MDM4: variants seen among roughly 807,000 people sequenced by gnomAD.
MDM4 encodes the protein protein Mdm4.
A neutral mutation model predicts 60.2 loss-of-function variants in MDM4; 2 were observed. That is an observed-to-expected ratio of 0.03 (90% CI 0.01 to 0.10). The LOEUF (loss-of-function observed/expected upper bound fraction) is 0.10, where lower values mean the gene tolerates loss of function less well. Ranked by LOEUF, MDM4 falls within the 10% of genes least tolerant of loss-of-function variation. The pLI is 1.00. For missense variants in MDM4, 447 were observed against 577.5 expected, an observed-to-expected ratio of 0.77 and a Z score of 2.32; for synonymous variants, 202 against 198.1, an observed-to-expected ratio of 1.02 and a Z score of -0.17.
At chr1:204,517,755 T>C (rs571113637) in intron 1 of MDM4, among the ~76,000 whole-genome samples, 2 of 152,156 alleles carry the variant, frequency 1.3e-5, no homozygotes, top group South Asian at 2.1e-4. Context: ...CTCTGTGCTG[T>C]TGGCACGTGG....
chr1:204,532,854 C>T (rs1315887333), intron 5 of MDM4: 2 of 1,595,244 alleles, frequency 1.3e-6, no homozygotes, highest in African/African-American at 1.4e-5. Flanking sequence ...TGTTTCTTTA[C>T]CCTCTCTATT....
chr1:204,538,458 A>G (rs1661643020), intron 7 of MDM4, 150 bp downstream of exon 7: 2 of 598,544 alleles, frequency 3.3e-6, no homozygotes, highest in East Asian at 5.7e-5. Context: ...AGTTACTACC[A>G]TTGTTAGCTT....
chr1:204,550,475 ACTTTAAT>A lies in MDM4; in HGVS notation c.*796_*802del. ...GCACCTAGTCTGGCCCTTTTGCAAG[ACTTTAAT>A]CTGAAATCTAAATTTTTAAAATTTA... On this transcript the variant is annotated 3_prime_UTR_variant, in exon 11 of 11. Transcript: ENST00000367182. 1 of 198,148 alleles carries A rather than the reference ACTTTAAT, an allele frequency of 5.0e-6. No individual in the cohort carries two copies. Among genetic ancestry groups the A allele is most frequent in the Middle Eastern group, 1.7e-3 (1 of 584 alleles). 12.3% of individuals were successfully genotyped at this position (198,148 alleles called of 1,614,324 possible).
rs1663355019 is a variant in MDM4 at position 204,553,301 on chromosome 1, T to C, written c.*3619T>C. 4.7e-6 allele frequency: 1 copy of C among 213,904 alleles called. No individual in the cohort carries two copies. Among genetic ancestry groups the C allele is most frequent in the African/African-American group, 2.2e-5 (1 of 44,480 alleles). 13.3% of individuals were successfully genotyped at this position (213,904 alleles called of 1,614,324 possible). On this transcript the variant is annotated 3_prime_UTR_variant, in exon 11 of 11. Transcript: ENST00000367182. ...ATGTGAAGTGTTCAGAGTTTACTGC[T>C]ATAAGGAAACTTCCAAATACTGACA...
At chr1:204,537,763 G>C (rs1366925544) in intron 6 of MDM4, 3 of 603,698 alleles carry the variant, frequency 5.0e-6, no homozygotes. Flanking sequence ...GTGTACCTGT[G>C]TGTGTGTGTT....
chr1:204,539,159 A>G (rs1661752262), intron 7 of MDM4, among the ~76,000 whole-genome samples: 1 of 151,746 alleles, frequency 6.6e-6, no homozygotes, highest in African/African-American at 2.4e-5. Flanking sequence ...GCATGCCACT[A>G]CGCCTGGCTA....
At chr1:204,545,411 A>G (rs1018100512) in intron 9 of MDM4, among the ~76,000 whole-genome samples, 1 of 152,230 alleles carries the variant, frequency 6.6e-6, no homozygotes, top group Non-Finnish European at 1.5e-5. Flanking sequence ...AGAGTCATAC[A>G]GGCAACTTGC....
chr1:204,522,480 C>T (rs988252341), intron 1 of MDM4, among the ~76,000 whole-genome samples: 1 of 151,822 alleles, frequency 6.6e-6, no homozygotes, highest in African/African-American at 2.4e-5. Flanking sequence ...TCACTGCAAC[C>T]TCCGCTTCCC....
rs769412444 is a variant in MDM4, at chr1:204,551,613, T to C, written c.*1931T>C. The C allele has an allele frequency of 1.7e-5, 4 of 231,694 alleles. No individual in the cohort carries two copies. The highest frequency in any genetic ancestry group is 6.7e-5 in the African/African-American group (3 of 45,092). The allele number at this position is 231,694 out of a possible 1,614,324, so 14.4% of individuals were successfully genotyped here. A position where few individuals can be genotyped will look rare whatever the true frequency, so the allele number is the denominator to read the frequency against. On this transcript the variant is annotated 3_prime_UTR_variant, in exon 11 of 11. Transcript: ENST00000367182. The stretch of plus-strand genomic sequence containing the variant: ...TGGAAATTGGACATCTTTAAGTTGG[T>C]TTCCATAGAGCTATGCATGTATCCT...
intron 4 of MDM4, 30 bp downstream of exon 4, chr1:204,530,847 T>C (rs1345910863): frequency 1.2e-6 from 2 of 1,614,118 alleles, no homozygotes; most frequent in Admixed American, 3.3e-5. Flanking sequence ...GCGTATCTTT[T>C]TGGGTGCTTA....
rs1172187361 is a variant in MDM4, at chr1:204,537,824, T to C, written c.411+327T>C. 3.2e-5 allele frequency: 21 copies of C among 648,604 alleles called. 2 individuals carry two copies. The highest frequency in any genetic ancestry group is 2.5e-4 in the South Asian group (17 of 67,142). The allele number at this position is 648,604 out of a possible 1,614,324, so 40.2% of individuals were successfully genotyped here. A position where few individuals can be genotyped will look rare whatever the true frequency, so the allele number is the denominator to read the frequency against. On this transcript the variant is annotated intron_variant, in intron 6 of 10. Transcript: ENST00000367182. ...AATAGGCGTGTTGCAGTTAAGTTCA[T>C]GTCAGGCCATTTCCTAAAGCTTCCC...
At chr1:204,547,699 G>T (rs533069336) in intron 10 of MDM4, among the ~76,000 whole-genome samples, 1 of 152,212 alleles carries the variant, frequency 6.6e-6, no homozygotes, top group African/African-American at 2.4e-5. Flanking sequence ...GTTCTTGACT[G>T]TAATACAAAT....
intron 10 of MDM4, among the ~76,000 whole-genome samples, chr1:204,547,446 G>A (rs1254584727): frequency 6.6e-6 from 1 of 152,080 alleles, no homozygotes; most frequent in Non-Finnish European, 1.5e-5. Flanking sequence ...CTTTTTTGTT[G>A]CTATTTCCCC....
At chr1:204,526,302 A>T in intron 2 of MDM4, 58 bp from the exon 3 acceptor site, 2 of 1,440,082 alleles carry the variant, frequency 1.4e-6, no homozygotes, top group South Asian at 1.2e-5. Flanking sequence ...CTCTTGTTCC[A>T]TAGTTTCAGA....
At position 204,557,138 on chromosome 1, in the gene MDM4, T is replaced by C. The variant is rs1211749006; in HGVS notation, c.*7456T>C. 5.0e-6 allele frequency: 1 copy of C among 198,410 alleles called. No individual in the cohort carries two copies. The allele number at this position is 198,410 out of a possible 1,614,324, so 12.3% of individuals were successfully genotyped here. On this transcript the variant is annotated 3_prime_UTR_variant, in exon 11 of 11. Transcript: ENST00000367182. ...AGAGATCTAAGAACCTATTATGCTC[T>C]TGGTGTACCAAGCTCTGGGGTATAT...
intron 7 of MDM4, among the ~76,000 whole-genome samples, chr1:204,540,688 G>T (rs193172358): frequency 6.6e-6 from 1 of 151,456 alleles, no homozygotes; most frequent in Non-Finnish European, 1.5e-5. Flanking sequence ...GCTTGAACCC[G>T]GGAGGCAGAG....
chr1:204,524,206 T>C (rs1659875196), intron 1 of MDM4, among the ~76,000 whole-genome samples: 1 of 152,162 alleles, frequency 6.6e-6, no homozygotes, highest in Admixed American at 6.5e-5. Context: ...ACATTGGTTT[T>C]TTGGAGAGCA....
chr1:204,519,422 G>A (rs1286681484), intron 1 of MDM4, among the ~76,000 whole-genome samples: 3 of 152,092 alleles, frequency 2.0e-5, no homozygotes, highest in East Asian at 3.8e-4. Flanking sequence ...CAGGAGAATC[G>A]TTTGAACCCA....
At chr1:204,538,331 A>G (rs1398282447) in intron 7 of MDM4, 23 bp downstream of exon 7, 3 of 1,311,116 alleles carry the variant, frequency 2.3e-6, no homozygotes, top group Middle Eastern at 1.8e-4. Flanking sequence ...TTAAGGCTAT[A>G]TAGACTTTTG....
Sources: gnomAD v4.1 joint callset for allele counts (sites outside exome capture counted in the v4.1 genomes callset) on GRCh38, gnomAD v4.1.1 for gene constraint, MANE v1.5 for transcripts, NCBI Gene and HGNC (gene_info 2026-07-23, HGNC 2026-07-21) for gene names.